RASGEF1A: variants seen among roughly 807,000 people sequenced by gnomAD.
RASGEF1A encodes the protein RasGEF domain family member 1A.
RASGEF1A carries 18 observed loss-of-function variants against 56.4 expected under a neutral mutation model. The observed-to-expected ratio is 0.32, with a 90% CI of 0.22 to 0.47. RASGEF1A has a LOEUF of 0.47. RASGEF1A is among the 20% of genes least tolerant of loss of function. The probability of loss-of-function intolerance (pLI) is 1.00; values close to 1 mark genes in which losing one functional copy is unlikely to be tolerated. For synonymous variants in RASGEF1A, 245 were observed against 242.6 expected (o/e 1.01, Z -0.09); for missense variants, 422 against 627.1 (o/e 0.67, Z 3.49).
At chr10:43,250,285 G>C (rs1174000723) in intron 1 of RASGEF1A, among the ~76,000 whole-genome samples, 1 of 152,208 alleles carries the variant, frequency 6.6e-6, no homozygotes, top group Non-Finnish European at 1.5e-5. Context: ...TGGAATGGGG[G>C]AATGGGGAGA....
intron 1 of RASGEF1A, among the ~76,000 whole-genome samples, chr10:43,257,750 C>T (rs117929856): frequency 6.6e-6 from 1 of 152,172 alleles, no homozygotes; most frequent in East Asian, 1.9e-4. Context: ...CTGCACTGAC[C>T]ATTTTCACAT....
rs530663214 is a variant in RASGEF1A at position 43,219,388 on chromosome 10, G to A, written c.-6-13266C>T. Among the ~76,000 whole-genome samples, 20 of 152,284 alleles carry A rather than the reference G, an allele frequency of 1.3e-4. No individual in the cohort carries two copies. The East Asian group carries it at 3.1e-3, about 24-fold the overall frequency. On this transcript the variant is annotated intron_variant, in intron 1 of 12. Coordinates refer to ENST00000395810, the MANE Select transcript of RASGEF1A (RefSeq NM_145313.4). ...CTAGGGTGCCACGGAGGAGGGGGCT[G>A]GGAAGCAGTGTGCAGATTCCACCCC...
chr10:43,207,085 G>A lies in RASGEF1A; in HGVS notation c.-6-963C>T, dbSNP rs565616897. The A allele has an allele frequency of 3.8e-5, 37 of 985,568 alleles. No individual in the cohort carries two copies. The East Asian group carries it at 3.7e-3, about 100-fold the overall frequency. The allele number at this position is 985,568 out of a possible 1,614,324, so 61.1% of individuals were successfully genotyped here. On this transcript the variant is annotated intron_variant, in intron 1 of 12. Coordinates refer to ENST00000395810, the MANE Select transcript of RASGEF1A (RefSeq NM_145313.4). The stretch of plus-strand genomic sequence containing the variant: ...CCCAGACAGCCAGCCATGCCTGGGA[G>A]GAGCCAAGTGGGGACTGGACGATGC...
chr10:43,196,359 G>A lies in RASGEF1A; in HGVS notation c.1422-91C>T. ...AGCCTCCCACCAAACATGCACCAGG[G>A]ACCCTGGACCAGGGACGCGGCAGTG... On this transcript the variant is annotated intron_variant, in intron 12 of 12. Coordinates refer to ENST00000395810, the MANE Select transcript of RASGEF1A (RefSeq NM_145313.4). This position sits in a 1 kb window ranked among gnomAD's most constrained non-coding sequence, Gnocchi z 4.6. The A allele has an allele frequency of 6.4e-7, 1 of 1,571,890 alleles. No individual in the cohort carries two copies. Among genetic ancestry groups the A allele is most frequent in the Non-Finnish European group, 8.7e-7 (1 of 1,143,348 alleles).
At chr10:43,257,632 C>T (rs541678660) in intron 1 of RASGEF1A, among the ~76,000 whole-genome samples, 1 of 152,244 alleles carries the variant, frequency 6.6e-6, no homozygotes, top group Admixed American at 6.5e-5. Context: ...TGACTGCACA[C>T]AGCGATGGGC....
At chr10:43,213,095 C>T (rs1003947858) in intron 1 of RASGEF1A, among the ~76,000 whole-genome samples, 1 of 152,078 alleles carries the variant, frequency 6.6e-6, no homozygotes, top group African/African-American at 2.4e-5. Context: ...AGGGCAGGAG[C>T]GGGAAACAAA....
At chr10:43,213,466 G>GATCTGAGAA (rs1284131184) in intron 1 of RASGEF1A, among the ~76,000 whole-genome samples, 2 of 152,130 alleles carry the variant, frequency 1.3e-5, no homozygotes, top group Non-Finnish European at 2.9e-5. Flanking sequence ...GGGCAGCCAG[G>GATCTGAGAA]ATCTGAGAAA....
At chr10:43,209,129 C>T in intron 1 of RASGEF1A, 1 of 985,502 alleles carries the variant, frequency 1.0e-6, no homozygotes, top group Non-Finnish European at 1.2e-6. Flanking sequence ...AGCCCCTTCC[C>T]AAGGAAGAAT....
intron 1 of RASGEF1A, among the ~76,000 whole-genome samples, chr10:43,255,326 C>T (rs1381873652): frequency 6.6e-6 from 1 of 152,146 alleles, no homozygotes; most frequent in Non-Finnish European, 1.5e-5. Context: ...CCTGCCCCAC[C>T]CACTGCCATC....
At chr10:43,240,548 A>G (rs891499723) in intron 1 of RASGEF1A, among the ~76,000 whole-genome samples, 14 of 152,212 alleles carry the variant, frequency 9.2e-5, no homozygotes, top group African/African-American at 3.1e-4. Flanking sequence ...AACCAAGCAG[A>G]AATTCTGGTG....
chr10:43,196,725 C>CT lies in RASGEF1A; in HGVS notation c.1349-178dup, dbSNP rs1206187223. ...CCTGTTGGGGACTCTAGGAAGGTTCCTCGTGTTGCAGCACCTGACCTAAGC... is the reference window on the plus strand; with the variant it reads ...CCTGTTGGGGACTCTAGGAAGGTTCCTTCGTGTTGCAGCACCTGACCTAAGC... On this transcript the variant is annotated intron_variant, in intron 11 of 12. Coordinates refer to ENST00000395810, the MANE Select transcript of RASGEF1A (RefSeq NM_145313.4). This position sits in a 1 kb window ranked among gnomAD's most constrained non-coding sequence, Gnocchi z 4.6. 2.0e-5 allele frequency among the ~76,000 whole-genome samples: 3 copies of CT among 152,218 alleles called. No homozygotes were observed. The highest frequency in any genetic ancestry group is 7.2e-5 in the African/African-American group (3 of 41,454).
At chr10:43,202,487 G>C (rs1839916218) in intron 3 of RASGEF1A, among the ~76,000 whole-genome samples, 1 of 152,086 alleles carries the variant, frequency 6.6e-6, no homozygotes, top group African/African-American at 2.4e-5. Flanking sequence ...TGCCCGCGCG[G>C]CCTCTGCCCC....
In RASGEF1A at chr10:43,200,691, G is replaced by C. The variant is rs1250644643; in HGVS notation, c.657C>G (p.Ala219=). The change falls in exon 5 of 13, where the codon GCC becomes GCG. Residue 219 remains alanine, a synonymous_variant. Coordinates refer to ENST00000395810, the MANE Select transcript of RASGEF1A (RefSeq NM_145313.4). ...LGVCCDPLVL[A]QQLTHIELDR... ...CCAGCTCAATGTGAGTCAGCTGCTG[G>C]GCCAGCACCAGGGGGTCGCAGCACA... is the stretch of plus-strand genomic sequence containing the variant. 9 of 1,612,958 alleles carry C rather than the reference G, an allele frequency of 5.6e-6. No individual in the cohort carries two copies. In the East Asian group the frequency reaches 1.8e-4, roughly 32 times the overall value.
chr10:43,248,920 C>T (rs971890858), intron 1 of RASGEF1A, among the ~76,000 whole-genome samples: 30 of 152,044 alleles, frequency 2.0e-4, no homozygotes, highest in East Asian at 3.8e-4. Flanking sequence ...ACACACCAGC[C>T]GGCAACAAGT....
chr10:43,231,614 C>T (rs376953230), intron 1 of RASGEF1A, among the ~76,000 whole-genome samples: 18 of 152,400 alleles, frequency 1.2e-4, no homozygotes, highest in African/African-American at 4.1e-4. Flanking sequence ...ATAAGGCAGA[C>T]GCTTCCCCGG....
chr10:43,253,507 TA>T (rs1253341018), intron 1 of RASGEF1A, among the ~76,000 whole-genome samples: 6 of 152,208 alleles, frequency 3.9e-5, no homozygotes, highest in Non-Finnish European at 7.3e-5. Context: ...CACAAGTCCT[TA>T]AAGTTGAAGA....
chr10:43,207,198 AAGGCAGCACAGGTGCCAGCGGCT>A, intron 1 of RASGEF1A: 1 of 985,500 alleles, frequency 1.0e-6, no homozygotes, highest in Non-Finnish European at 1.2e-6. Context: ...CCCTCAAGGG[AAGGCAGCACAGGTGCCAGCGGCT>A]GAGGTCAGGT....
chr10:43,265,069 C>T (rs76328608), intron 1 of RASGEF1A, among the ~76,000 whole-genome samples: 9 of 152,278 alleles, frequency 5.9e-5, no homozygotes, highest in East Asian at 1.9e-4. Context: ...CCCCTCCCAC[C>T]GCTGGGGGCC....
At chr10:43,227,814 A>G (rs1588941788) in intron 1 of RASGEF1A, among the ~76,000 whole-genome samples, 1 of 151,638 alleles carries the variant, frequency 6.6e-6, no homozygotes, top group Non-Finnish European at 1.5e-5. Context: ...TAAGGGCAAC[A>G]CCCTCCTTCC....
Sources: allele counts gnomAD v4.1 joint callset (sites outside exome capture counted in the v4.1 genomes callset), GRCh38; gene constraint gnomAD v4.1.1; non-coding constraint Gnocchi (gnomAD v3.1); transcripts MANE v1.5; gene names NCBI Gene and HGNC (gene_info 2026-07-23, HGNC 2026-07-21).